The following NFIB variants were observed in gnomAD, a reference collection of about 807,000 sequenced individuals.
NFIB encodes nuclear factor I B, also known as nuclear factor 1 B-type.
A neutral mutation model predicts 61.5 loss-of-function variants in NFIB; 11 were observed. The observed-to-expected ratio is 0.18, with a 90% confidence interval of 0.11 to 0.30. The LOEUF (loss-of-function observed/expected upper bound fraction) is 0.30, where lower values mean the gene tolerates loss of function less well. NFIB is among the 10% of genes least tolerant of loss of function. The probability of loss-of-function intolerance (pLI) is 1.00; values close to 1 mark genes in which losing one functional copy is unlikely to be tolerated. For missense variants in NFIB, 471 were observed against 608.9 expected (o/e 0.77, Z 2.38); for synonymous variants, 260 against 216.5 (o/e 1.20, Z -1.76).
intron 1 of NFIB, among the ~76,000 whole-genome samples, chr9:14,311,089 AT>A (rs1359844422): frequency 1.6e-4 from 24 of 152,060 alleles, no homozygotes; most frequent in African/African-American, 5.1e-4. Context: ...ATAGTTCTTA[AT>A]TTTTCCTTTA....
intron 1 of NFIB, among the ~76,000 whole-genome samples, chr9:14,320,537 C>T (rs562784026): frequency 2.0e-5 from 3 of 152,300 alleles, no homozygotes; most frequent in East Asian, 1.9e-4. Flanking sequence ...GAAACCACAA[C>T]GTTTTGTGTT....
At position 14,158,339 on chromosome 9, in the gene NFIB, T is replaced by C. The variant is rs746285335; in HGVS notation, c.617-2446A>G. Among the ~76,000 whole-genome samples, 195 of 152,264 alleles carry C rather than the reference T, an allele frequency of 1.3e-3. 1 individual carries two copies. The highest frequency in any genetic ancestry group is 4.5e-3 in the African/African-American group (188 of 41,574). On this transcript the variant is annotated intron_variant, in intron 3 of 10. Coordinates refer to ENST00000380953, the MANE Select transcript of NFIB (RefSeq NM_001190737.2). The stretch of plus-strand genomic sequence containing the variant: ...AATCCAGCCCAACCACCACCCACTC[T>C]GTAAACTGCTCCTCCAACTCCTTCT...
chr9:14,314,184 G>A (rs1327581499), upstream of NFIB: 2 of 767,832 alleles, frequency 2.6e-6, no homozygotes, highest in East Asian at 9.4e-5. Context: ...CGGGGTGGGG[G>A]CGGGGTGGGA....
chr9:14,488,050 A>G, the NFIB span, among the ~76,000 whole-genome samples: 1 of 152,132 alleles, frequency 6.6e-6, no homozygotes, highest in Non-Finnish European at 1.5e-5. Flanking sequence ...GTTCAGGAAG[A>G]CTTAAATGTA....
At chr9:14,433,740 A>T in the NFIB span, among the ~76,000 whole-genome samples, 4 of 152,128 alleles carry the variant, frequency 2.6e-5, no homozygotes, top group Non-Finnish European at 5.9e-5. Flanking sequence ...CAAATAAAAA[A>T]CCCCACACAC....
At chr9:14,405,654 C>G in the NFIB span, among the ~76,000 whole-genome samples, 8 of 152,206 alleles carry the variant, frequency 5.3e-5, no homozygotes, top group Admixed American at 4.6e-4. Flanking sequence ...GGCTTGTTTT[C>G]AAGCAAAAAT....
At chr9:14,454,909 G>T in the NFIB span, among the ~76,000 whole-genome samples, 1 of 152,190 alleles carries the variant, frequency 6.6e-6, no homozygotes, top group Non-Finnish European at 1.5e-5. Flanking sequence ...GCATATCCCA[G>T]ATAGGGCTGC....
intron 1 of NFIB, among the ~76,000 whole-genome samples, chr9:14,354,588 A>C (rs1357765223): frequency 6.6e-6 from 1 of 152,202 alleles, no homozygotes; most frequent in Non-Finnish European, 1.5e-5. Context: ...ATTGAAATTT[A>C]GGGCCATCCC....
intron 1 of NFIB, among the ~76,000 whole-genome samples, chr9:14,372,380 G>A (rs915709049): frequency 5.3e-5 from 8 of 152,076 alleles, no homozygotes; most frequent in African/African-American, 1.7e-4. Context: ...GTTGAAGAGA[G>A]GGCATTATAC....
chr9:14,313,713 T>G lies in NFIB; in HGVS notation c.-202A>C, dbSNP rs2273933. 1,236,505 of 1,411,690 alleles carry G rather than the reference T, an allele frequency of 0.88. 548,576 individuals are homozygous for G. Among genetic ancestry groups the G allele is most frequent in the Admixed American group, 0.91 (33,378 of 36,576 alleles). The allele number at this position is 1,411,690 out of a possible 1,614,324, so 87.4% of individuals were successfully genotyped here. Reference sequence around the variant, plus strand: ...ATTCAAGTTCACTCGGCGTGCTAGATTTCCAGGGGTGAAATCCAATCTACA... The same window carrying G: ...ATTCAAGTTCACTCGGCGTGCTAGAGTTCCAGGGGTGAAATCCAATCTACA... On this transcript the variant is annotated 5_prime_UTR_variant, in exon 1 of 11. Transcript: ENST00000380953. This position sits in a 1 kb window ranked among gnomAD's most constrained non-coding sequence, Gnocchi z 4.5.
intron 2 of NFIB, among the ~76,000 whole-genome samples, chr9:14,304,607 G>A (rs1348920960): frequency 1.3e-5 from 2 of 152,210 alleles, no homozygotes; most frequent in African/African-American, 2.4e-5. Context: ...AGGGGGAAAC[G>A]TAATTTTGTT....
the NFIB span, among the ~76,000 whole-genome samples, chr9:14,502,524 C>T: frequency 6.6e-6 from 1 of 152,166 alleles, no homozygotes; most frequent in African/African-American, 2.4e-5. Flanking sequence ...CTGGATTCCA[C>T]TTGTCAAGAA....
intron 2 of NFIB, among the ~76,000 whole-genome samples, chr9:14,227,475 T>C (rs1311012213): frequency 1.3e-5 from 2 of 152,250 alleles, no homozygotes; most frequent in African/African-American, 2.4e-5. Flanking sequence ...TATCTCTCCA[T>C]AGACTTGAAA....
chr9:14,466,573 T>G, the NFIB span, among the ~76,000 whole-genome samples: 1 of 152,138 alleles, frequency 6.6e-6, no homozygotes, highest in South Asian at 2.1e-4. Flanking sequence ...AGTCGGAAGC[T>G]AGGAGCTCCC....
the NFIB span, among the ~76,000 whole-genome samples, chr9:14,417,053 C>G: frequency 4.6e-5 from 7 of 151,316 alleles, no homozygotes; most frequent in African/African-American, 1.5e-4. Context: ...TCACCACACC[C>G]GGCTAATTTT....
At chr9:14,273,514 C>T (rs1267898259) in intron 2 of NFIB, among the ~76,000 whole-genome samples, 1 of 152,122 alleles carries the variant, frequency 6.6e-6, no homozygotes, top group Non-Finnish European at 1.5e-5. Flanking sequence ...GTCTCTGTTT[C>T]CCCAGACACA....
At chr9:14,185,254 C>T (rs1412006792) in intron 2 of NFIB, among the ~76,000 whole-genome samples, 1 of 152,078 alleles carries the variant, frequency 6.6e-6, no homozygotes, top group East Asian at 1.9e-4. Context: ...AGGAACAATG[C>T]CGTGAAAAAA....
chr9:14,498,615 T>C, the NFIB span, among the ~76,000 whole-genome samples: 2 of 152,182 alleles, frequency 1.3e-5, no homozygotes, highest in Admixed American at 1.3e-4. Flanking sequence ...AGCCGCGGCA[T>C]AAACTTCAGA....
chr9:14,471,733 A>T, the NFIB span, among the ~76,000 whole-genome samples: 1 of 152,148 alleles, frequency 6.6e-6, no homozygotes, highest in Non-Finnish European at 1.5e-5. Context: ...CTTGGAACTC[A>T]TCCGGGAAGT....
Sources: allele counts gnomAD v4.1 joint callset (sites outside exome capture counted in the v4.1 genomes callset), GRCh38; gene constraint gnomAD v4.1.1; non-coding constraint Gnocchi (gnomAD v3.1); transcripts MANE v1.5; gene names NCBI Gene and HGNC (gene_info 2026-07-23, HGNC 2026-07-21).